STARD3: variants seen among roughly 807,000 people sequenced by gnomAD.
STARD3 encodes stAR-related lipid transfer protein 3.
STARD3 carries 39 observed loss-of-function variants against 62.0 expected under a neutral mutation model. The observed-to-expected ratio is 0.63, with a 90% confidence interval of 0.49 to 0.82. The LOEUF (loss-of-function observed/expected upper bound fraction) is 0.82. STARD3 is among the 40% of genes least tolerant of loss of function. The probability of loss-of-function intolerance (pLI) is 0.00; values close to 1 mark genes in which losing one functional copy is unlikely to be tolerated. For synonymous variants in STARD3, 229 were observed against 242.4 expected (o/e 0.94, Z 0.51); for missense variants, 543 against 584.5 (o/e 0.93, Z 0.73).
At chr17:39,641,036 G>A (rs569140674) in intron 1 of STARD3, among the ~76,000 whole-genome samples, 4 of 152,306 alleles carry the variant, frequency 2.6e-5, no homozygotes, top group South Asian at 2.1e-4. Context: ...CAACCATCCC[G>A]AGGCTGATGG....
At chr17:39,639,156 G>C (rs2056961598) in intron 1 of STARD3, among the ~76,000 whole-genome samples, 1 of 152,202 alleles carries the variant, frequency 6.6e-6, no homozygotes, top group African/African-American at 2.4e-5. Flanking sequence ...GGACAACATA[G>C]TTCACCAGTT....
rs10713558 is a variant in STARD3, at chr17:39,649,865, C to CAA, written c.-51-3597_-51-3596dup. Among the ~76,000 whole-genome samples the CAA allele has an allele frequency of 8.4e-3, 710 of 84,924 alleles. 18 individuals carry two copies. Among genetic ancestry groups the CAA allele is most frequent in the African/African-American group, 0.031 (648 of 20,684 alleles). The allele number at this position is 84,924 out of a possible 152,430, so 55.7% of individuals were successfully genotyped here. A position where few individuals can be genotyped will look rare whatever the true frequency, so the allele number is the denominator to read the frequency against. ...TGGGCCACAGAGTGAGACTCCGTCT[C>CAA]AAAAAAAAAAAAAAAAAAAAGATAT... On this transcript the variant is annotated intron_variant, in intron 1 of 14. Coordinates refer to ENST00000336308, the MANE Select transcript of STARD3 (RefSeq NM_006804.4).
Position 39,661,024 on chromosome 17 carries a change from T to C in STARD3, c.1078T>C (p.Tyr360His). The change falls in exon 13 of 15, where the codon TAC becomes CAC. Residue 360 changes from tyrosine to histidine, a missense_variant. Physicochemically the swap from Tyr to His is moderately conservative, Grantham distance 83. Transcript: ENST00000336308. The stretch of plus-strand genomic sequence containing the variant: ...GCGCATTGAGCGGCGCAGGGACCGA[T>C]ACTTGTCATCAGGGATCGCCACCTC... Reference protein sequence around the residue: ...VRRIERRRDRYLSSGIATSHS... With the variant: ...VRRIERRRDRHLSSGIATSHS... 6.2e-7 allele frequency: 1 copy of C among 1,613,772 alleles called. No homozygotes were observed. Among genetic ancestry groups the C allele is most frequent in the Non-Finnish European group, 8.5e-7 (1 of 1,180,024 alleles).
rs2057187124 is a variant in STARD3 at position 39,660,702 on chromosome 17, C to T, written c.955-108C>T. 9.9e-6 allele frequency: 14 copies of T among 1,408,458 alleles called. No homozygotes were observed. The South Asian group carries it at 1.4e-4, about 14-fold the overall frequency. 87.2% of individuals were successfully genotyped at this position (1,408,458 alleles called of 1,614,324 possible). A position where few individuals can be genotyped will look rare whatever the true frequency, so the allele number is the denominator to read the frequency against. The stretch of plus-strand genomic sequence containing the variant: ...GGAGGAGTGCTCATCAGGCGCTGCC[C>T]AGGGCCTGCCTGTGGCAATAGCAGT... On this transcript the variant is annotated intron_variant, in intron 11 of 14. Transcript: ENST00000336308. This position sits in a 1 kb window ranked among gnomAD's most constrained non-coding sequence, Gnocchi z 4.8.
intron 1 of STARD3, among the ~76,000 whole-genome samples, chr17:39,643,375 G>A (rs1294483173): frequency 2.0e-5 from 3 of 152,172 alleles, no homozygotes; most frequent in African/African-American, 4.8e-5. Flanking sequence ...GGTCGGCTCC[G>A]CTCTGCCTCT....
At chr17:39,652,087 G>A (rs939149191) in intron 1 of STARD3, among the ~76,000 whole-genome samples, 9 of 152,154 alleles carry the variant, frequency 5.9e-5, no homozygotes, top group East Asian at 1.9e-4. Context: ...CTTGGTTGTC[G>A]TATCTGTAAA....
intron 13 of STARD3, chr17:39,661,303 C>A (rs2145047791): frequency 1.7e-6 from 1 of 578,220 alleles, no homozygotes; most frequent in Non-Finnish European, 3.1e-6. Context: ...ACCAAGCCAC[C>A]AAGGCTGGAC....
In STARD3 at chr17:39,662,854, T is replaced by A. The variant is rs1354262582; in HGVS notation, c.1284T>A (p.Phe428Leu). Residue 428 changes from phenylalanine to leucine, a missense_variant, in exon 15 of 15, where the codon TTT (phenylalanine) becomes TTA (leucine). Physicochemically the swap from Phe to Leu is conservative, Grantham distance 22 (BLOSUM62 0). Transcript: ENST00000336308. ...ACCAGAGCCTCGCGGCCACCATGTT[T>A]GAATTTGCCTTTCACCTGCGACAGC... ...LIHQSLAATM[F>L]EFAFHLRQRI... is the part of the protein sequence containing the mutation. 6 of 1,612,608 alleles carry A rather than the reference T, an allele frequency of 3.7e-6. No individual in the cohort carries two copies. The highest frequency in any genetic ancestry group is 1.3e-5 in the African/African-American group (1 of 74,852).
chr17:39,658,569 C>G (rs1368580500), intron 6 of STARD3, 47 bp downstream of exon 6: 5 of 1,589,818 alleles, frequency 3.1e-6, no homozygotes, highest in Non-Finnish European at 4.3e-6. Context: ...ACCCACAGCC[C>G]CAAGAGAGGG....
chr17:39,652,647 TA>T, intron 1 of STARD3: 1 of 152,536 alleles, frequency 6.6e-6, no homozygotes, highest in Non-Finnish European at 1.5e-5. Flanking sequence ...TTGAGGGATG[TA>T]AAAAAGGCCA....
chr17:39,660,842 C>T lies in STARD3; in HGVS notation c.987C>T (p.Ile329=). 1 of 1,596,830 alleles carries T rather than the reference C, an allele frequency of 6.3e-7. No homozygotes were observed. The highest frequency in any genetic ancestry group is 1.1e-5 in the South Asian group (1 of 88,658). The change falls in exon 12 of 15, where the codon ATC becomes ATT. Residue 329 remains isoleucine (I), a synonymous_variant. Transcript: ENST00000336308. The surrounding 1 kb of genome is among the most constrained non-coding windows in gnomAD (Gnocchi z 4.8). ...ILQRVEDNTL[I]SYDVSAGAAG... ...AGCGAGTGGAAGACAACACCCTCAT[C>T]TCCTATGACGTGTCTGCAGGGGCTG...
chr17:39,657,168 G>A, intron 3 of STARD3, 83 bp downstream of exon 3: 1 of 1,348,194 alleles, frequency 7.4e-7, no homozygotes. Flanking sequence ...TCTTTTGGCA[G>A]CATATATCCA....
At chr17:39,661,499 G>A (rs972461381) in intron 13 of STARD3, among the ~76,000 whole-genome samples, 3 of 152,266 alleles carry the variant, frequency 2.0e-5, no homozygotes, top group Non-Finnish European at 2.9e-5. Context: ...TCCTCACTCC[G>A]TCATCTTTCT....
intron 7 of STARD3, 44 bp downstream of exon 7, chr17:39,658,864 T>C: frequency 6.2e-7 from 1 of 1,603,660 alleles, no homozygotes; most frequent in South Asian, 1.1e-5. Context: ...GGAGGGGCCT[T>C]GTGAGGAATG....
chr17:39,655,419 A>C (rs2057117727), intron 2 of STARD3, among the ~76,000 whole-genome samples: 1 of 151,892 alleles, frequency 6.6e-6, no homozygotes. Context: ...CCTGGGCTCA[A>C]GTGATCCTCC....
intron 1 of STARD3, among the ~76,000 whole-genome samples, chr17:39,638,510 C>T (rs1225832895): frequency 6.6e-6 from 1 of 152,190 alleles, no homozygotes; most frequent in African/African-American, 2.4e-5. Flanking sequence ...CACCAGCCCC[C>T]GCTGCTTGGA....
rs763291078 is a variant in STARD3, at chr17:39,653,633, G to A, written c.102G>A (p.Ser34=). 47 of 1,613,662 alleles carry A rather than the reference G, an allele frequency of 2.9e-5. No individual in the cohort carries two copies. The highest frequency in any genetic ancestry group is 4.0e-5 in the African/African-American group (3 of 74,926). ...TGTCCCACAGCCAGAGCCTCTCCTC[G>A]CACCTCCTTCCGCCGCCTGAGAAGC... ...SSLSHSQSLS[S]HLLPPPEKRR... Residue 34 remains serine (S), a synonymous_variant, in exon 2 of 15, where the codon TCG becomes TCA. Transcript: ENST00000336308.
intron 13 of STARD3, 38 bp downstream of exon 13, chr17:39,661,123 C>T: frequency 1.3e-6 from 2 of 1,594,762 alleles, no homozygotes; most frequent in Non-Finnish European, 1.7e-6. Flanking sequence ...CCTGCCAGCC[C>T]CTCCCCTGGG....
At chr17:39,644,455 A>G (rs1213376024) in intron 1 of STARD3, among the ~76,000 whole-genome samples, 2 of 152,126 alleles carry the variant, frequency 1.3e-5, no homozygotes, top group Admixed American at 6.5e-5. Context: ...TGGTGCCCCC[A>G]GACAGCCCAG....
Sources: allele counts gnomAD v4.1 joint callset (sites outside exome capture counted in the v4.1 genomes callset), GRCh38; gene constraint gnomAD v4.1.1; non-coding constraint Gnocchi (gnomAD v3.1); transcripts MANE v1.5; gene names NCBI Gene and HGNC (gene_info 2026-07-23, HGNC 2026-07-21).